Variants in SEMA6C observed in about 807,000 individuals in gnomAD.
SEMA6C encodes the protein semaphorin-6C.
In SEMA6C, 37 loss-of-function variants were observed where a neutral mutation model predicts 72.9. The observed-to-expected ratio is 0.51, with a 90% CI of 0.39 to 0.67. SEMA6C has a LOEUF of 0.67. Among genes scored for constraint, SEMA6C ranks in the 30% least tolerant of loss-of-function variants. The pLI, the probability that SEMA6C is intolerant of heterozygous loss-of-function variation, is 0.00. For synonymous variants in SEMA6C, 578 were observed against 554.1 expected (o/e 1.04, Z -0.61); for missense variants, 1,189 against 1,263.6 (o/e 0.94, Z 0.89).
chr1:151,132,191 G>A lies in SEMA6C; in HGVS notation c.*293C>T, dbSNP rs587698691. ...CACAGTCTCTGGGGGAGCCCCGAGGGGCGAGTTAAGGCAGCTTGGCTGGAA... is the reference window on the plus strand; with the variant it reads ...CACAGTCTCTGGGGGAGCCCCGAGGAGCGAGTTAAGGCAGCTTGGCTGGAA... On this transcript the variant is annotated 3_prime_UTR_variant, in exon 19 of 19. Transcript: ENST00000368914. 1.0e-4 allele frequency: 150 copies of A among 1,459,942 alleles called. No individual in the cohort carries two copies. The highest frequency in any genetic ancestry group is 1.2e-4 in the Non-Finnish European group (136 of 1,099,496). 90.4% of individuals were successfully genotyped at this position (1,459,942 alleles called of 1,614,324 possible). A position where few individuals can be genotyped will look rare whatever the true frequency, so the allele number is the denominator to read the frequency against.
intron 7 of SEMA6C, 101 bp downstream of exon 7, chr1:151,138,529 C>T: frequency 7.0e-7 from 1 of 1,432,982 alleles, no homozygotes. Flanking sequence ...TCTGGGCACT[C>T]CCATTCCCCA....
In SEMA6C at chr1:151,132,499, G is replaced by C. The variant is rs1294955250; in HGVS notation, c.2778C>G (p.Gly926=). The change falls in exon 19 of 19, where the codon GGC becomes GGG. Residue 926 remains glycine (G), a synonymous_variant. Transcript: ENST00000368914. ...PSSRQAVPNG[G]RFNF ...GCCGCTCCCTTTAAAAGTTGAAACG[G>C]CCGCCGTTCGGGACGGCCTGGCGGG... The C allele has an allele frequency of 1.3e-6, 2 of 1,548,984 alleles. No homozygotes were observed. Among genetic ancestry groups the C allele is most frequent in the Non-Finnish European group, 1.7e-6 (2 of 1,146,180 alleles).
chr1:151,141,278 T>C (rs1219642327), intron 3 of SEMA6C, among the ~76,000 whole-genome samples: 1 of 152,180 alleles, frequency 6.6e-6, no homozygotes, highest in Non-Finnish European at 1.5e-5. Context: ...GAACTAGTAT[T>C]AGACCTTCTC....
intron 8 of SEMA6C, 27 bp downstream of exon 8, chr1:151,138,289 T>A (rs1682232358): frequency 6.2e-7 from 1 of 1,611,468 alleles, no homozygotes; most frequent in Admixed American, 1.7e-5. Context: ...AGCCACATGC[T>A]TTCTTCTCAC....
rs139583127 is a variant in SEMA6C at position 151,138,034 on chromosome 1, G to A, written c.619C>T (p.Pro207Ser). ...SDAVVYRSLG[P>S]QPPLRSAKYD... ...TTGGCGGAGCGGAGTGGGGGCTGGG[G>A]CCCAAGGCTTCTGTAAACTACAGCA... is the stretch of plus-strand genomic sequence containing the variant. Residue 207 changes from proline (P) to serine (S), a missense_variant, in exon 9 of 19, where the codon CCC becomes TCC. Around this residue, in one of 2 missense-constraint regions of SEMA6C, gnomAD observed 468 missense variants for 577.4 expected, o/e 0.81. Coordinates refer to ENST00000368914, the MANE Select transcript of SEMA6C (RefSeq NM_030913.6). 9,558 of 1,614,248 alleles carry A rather than the reference G, an allele frequency of 5.9e-3. 44 individuals carry two copies. The highest frequency in any genetic ancestry group is 7.3e-3 in the Non-Finnish European group (8,556 of 1,180,040).
At chr1:151,140,140 A>G (rs1390560003) in intron 3 of SEMA6C, 50 bp from the exon 4 acceptor site, 2 of 1,482,248 alleles carry the variant, frequency 1.3e-6, no homozygotes, top group South Asian at 1.2e-5. Flanking sequence ...AACTTCCCCA[A>G]CACCCTCTCC....
In SEMA6C at chr1:151,138,629, C is replaced by T; in HGVS notation, c.456+1G>A. The T allele has an allele frequency of 1.2e-6, 2 of 1,613,548 alleles. No homozygotes were observed. Among genetic ancestry groups the T allele is most frequent in the Non-Finnish European group, 1.7e-6 (2 of 1,179,420 alleles). ...CCTAACCCCCACCCTCTCTTTTGTA[C>T]CCCATAGCTGCGGCACACAGGGCTG... is the stretch of plus-strand genomic sequence containing the variant. On this transcript the variant is annotated splice_donor_variant, in intron 7 of 18. Transcript: ENST00000368914. LOFTEE classifies it high-confidence loss of function.
chr1:151,132,420 G>A lies in SEMA6C; in HGVS notation c.*64C>T, dbSNP rs587671141. The A allele has an allele frequency of 2.0e-4, 299 of 1,523,848 alleles. 3 individuals are homozygous for A. In the African/African-American group the frequency reaches 3.2e-3, roughly 16 times the overall value. The allele number at this position is 1,523,848 out of a possible 1,614,324, so 94.4% of individuals were successfully genotyped here. ...AGGGGGCGGTGAAACGTCCTGAAGA[G>A]CGTCCAGCTCGTGGCCGAGAGGACT... is the stretch of plus-strand genomic sequence containing the variant. On this transcript the variant is annotated 3_prime_UTR_variant, in exon 19 of 19. Transcript: ENST00000368914.
At chr1:151,140,203 C>G in intron 3 of SEMA6C, 113 bp from the exon 4 acceptor site, 1 of 800,734 alleles carries the variant, frequency 1.2e-6, no homozygotes, top group Non-Finnish European at 2.1e-6. Context: ...TTAGAGTGCC[C>G]AAAAGCTATT....
At chr1:151,141,600 G>A (rs1168090999) in intron 3 of SEMA6C, among the ~76,000 whole-genome samples, 3 of 152,008 alleles carry the variant, frequency 2.0e-5, no homozygotes, top group Non-Finnish European at 2.9e-5. Context: ...TAGTAGAAAC[G>A]GGGTTCCACC....
In SEMA6C at chr1:151,133,052, C is replaced by T; in HGVS notation, c.2225G>A (p.Gly742Asp). 1 of 1,421,934 alleles carries T rather than the reference C, an allele frequency of 7.0e-7. No individual in the cohort carries two copies. Among genetic ancestry groups the T allele is most frequent in the Non-Finnish European group, 9.1e-7 (1 of 1,097,656 alleles). The allele number at this position is 1,421,934 out of a possible 1,614,324, so 88.1% of individuals were successfully genotyped here. Residue 742 changes from glycine to aspartate, a missense_variant, in exon 19 of 19, where the codon GGC becomes GAC. By Grantham distance (94) the Gly-to-Asp change is moderately conservative (BLOSUM62 -1). Around this residue, in one of 2 missense-constraint regions of SEMA6C, gnomAD observed 721 missense variants for 686.2 expected, o/e 1.05. Transcript: ENST00000368914. This position sits in a 1 kb window ranked among gnomAD's most constrained non-coding sequence, Gnocchi z 5.9. ...CACCAGCACGCGGGGCGCGGGCCCG[C>T]CCGCCGCGTGCCCGCCCCGTGAGCG... is the stretch of plus-strand genomic sequence containing the variant. ...PGRSRGGHAAGGPAPRVLVRP... is the reference protein window; with the variant it reads ...PGRSRGGHAADGPAPRVLVRP...
chr1:151,144,711 G>C (rs868707557), intron 1 of SEMA6C, among the ~76,000 whole-genome samples: 24 of 152,322 alleles, frequency 1.6e-4, no homozygotes, highest in African/African-American at 5.8e-4. Flanking sequence ...CACTGGGAGA[G>C]TTTGTGGGGC....
intron 16 of SEMA6C, 23 bp downstream of exon 16, chr1:151,134,775 A>G (rs1218810746): frequency 1.2e-6 from 2 of 1,613,362 alleles, no homozygotes; most frequent in African/African-American, 1.3e-5. Context: ...TATGCTCAGG[A>G]AACCCAAGGA....
Position 151,135,784 on chromosome 1 carries a change from G to A in SEMA6C, c.1260-20C>T, listed in dbSNP as rs201600188. 37 of 1,612,446 alleles carry A rather than the reference G, an allele frequency of 2.3e-5. No homozygotes were observed. The African/African-American group carries it at 4.4e-4, about 19-fold the overall frequency. On this transcript the variant is annotated intron_variant, in intron 13 of 18. Coordinates refer to ENST00000368914, the MANE Select transcript of SEMA6C (RefSeq NM_030913.6). Reference sequence around the variant, plus strand: ...AGGGCCCTGGAGGAAAGGGCCTCAGGTCAGGGAACCTGTCTAGTGGAAACC... The same window carrying A: ...AGGGCCCTGGAGGAAAGGGCCTCAGATCAGGGAACCTGTCTAGTGGAAACC...
At position 151,138,741 on chromosome 1, in the gene SEMA6C, C is replaced by T. The variant is rs1425888492; in HGVS notation, c.355-10G>A. 1.9e-6 allele frequency: 3 copies of T among 1,603,720 alleles called. No individual in the cohort carries two copies. The highest frequency in any genetic ancestry group is 2.6e-6 in the Non-Finnish European group (3 of 1,170,728). ...AGTTGTAGCACTCATCCTAGAGAACCCAAAATTCTAGGTCAGTGACAGAGG... is the reference window on the plus strand; with the variant it reads ...AGTTGTAGCACTCATCCTAGAGAACTCAAAATTCTAGGTCAGTGACAGAGG... On this transcript the variant is annotated splice_polypyrimidine_tract_variant and intron_variant, in intron 6 of 18. Transcript: ENST00000368914.
At chr1:151,144,079 G>A (rs1231508028) in intron 2 of SEMA6C, among the ~76,000 whole-genome samples, 1 of 152,022 alleles carries the variant, frequency 6.6e-6, no homozygotes, top group South Asian at 2.1e-4. Flanking sequence ...CCCTTCCCCA[G>A]GGCAGAGTAG....
intron 3 of SEMA6C, among the ~76,000 whole-genome samples, chr1:151,140,604 C>T (rs1295428378): frequency 1.3e-5 from 2 of 152,236 alleles, no homozygotes; most frequent in African/African-American, 4.8e-5. Context: ...CCTCTGACCA[C>T]CTCACCTCCA....
rs963135050 is a variant in SEMA6C, at chr1:151,133,995, C to T, written c.1759+406G>A. On this transcript the variant is annotated intron_variant, in intron 18 of 18. Transcript: ENST00000368914. The surrounding 1 kb of genome is among the most constrained non-coding windows in gnomAD (Gnocchi z 5.9). ...AACTCCAAGAGTGGAAGACTGGGGC[C>T]GGGGGTGGGCATCACTGGGAGGACT... 18 of 1,536,830 alleles carry T rather than the reference C, an allele frequency of 1.2e-5. No individual in the cohort carries two copies. The highest frequency in any genetic ancestry group is 6.2e-5 in the Admixed American group (3 of 48,028).
chr1:151,138,225 A>AG, intron 8 of SEMA6C, 91 bp downstream of exon 8: 1 of 1,581,282 alleles, frequency 6.3e-7, no homozygotes, highest in Non-Finnish European at 8.6e-7. Context: ...CCCTCCACTC[A>AG]GGGGAATGGG....
Sources: gnomAD v4.1 joint callset for allele counts (sites outside exome capture counted in the v4.1 genomes callset) on GRCh38, gnomAD v4.1.1 for gene constraint, gnomAD v4.1.1 regional missense constraint, Gnocchi (gnomAD v3.1) non-coding constraint, MANE v1.5 for transcripts, NCBI Gene and HGNC (gene_info 2026-07-23, HGNC 2026-07-21) for gene names.